Variants in AGBL1 observed in about 807,000 individuals in gnomAD.
AGBL1 encodes the protein cytosolic carboxypeptidase 4.
In AGBL1, 130 loss-of-function variants were observed where a neutral mutation model predicts 118.9. That is an observed-to-expected ratio of 1.09 (90% CI 0.95 to 1.26). The LOEUF (loss-of-function observed/expected upper bound fraction) is 1.26. Among genes scored for constraint, AGBL1 ranks in the 50% most tolerant of loss-of-function variants. The pLI is 0.00. For synonymous variants in AGBL1, 555 were observed against 478.9 expected (o/e 1.16, Z -2.08); for missense variants, 1,584 against 1,298.1 (o/e 1.22, Z -3.38).
intron 17 of AGBL1, among the ~76,000 whole-genome samples, chr15:86,352,316 C>T (rs937022742): frequency 2.0e-5 from 3 of 152,160 alleles, no homozygotes; most frequent in Non-Finnish European, 4.4e-5. Flanking sequence ...TTCCCCATTT[C>T]TTCCTTTTAT....
At chr15:86,139,247 A>T (rs938733557) in intron 1 of AGBL1, among the ~76,000 whole-genome samples, 1 of 152,168 alleles carries the variant, frequency 6.6e-6, no homozygotes, top group Non-Finnish European at 1.5e-5. Context: ...GTGTCTAGGG[A>T]TCCCTAGGAG....
At chr15:86,137,996 C>T (rs2076912086) in intron 1 of AGBL1, among the ~76,000 whole-genome samples, 1 of 152,180 alleles carries the variant, frequency 6.6e-6, no homozygotes. Context: ...TGCTTGTTCT[C>T]AGGGAGTATC....
At chr15:86,321,394 C>T (rs1240860258) in intron 17 of AGBL1, among the ~76,000 whole-genome samples, 1 of 151,896 alleles carries the variant, frequency 6.6e-6, no homozygotes, top group East Asian at 1.9e-4. Context: ...GTAAGCTGTT[C>T]AAGTTCTTCC....
At chr15:86,079,687 G>A (rs1895138681), upstream of AGBL1, 2 of 296,250 alleles carry the variant, frequency 6.8e-6, no homozygotes, top group East Asian at 1.1e-4. Flanking sequence ...GGGCCTGGAG[G>A]TGGGTGAGTG....
chr15:86,840,343 T>G (rs1159703944), intron 22 of AGBL1, among the ~76,000 whole-genome samples: 1 of 152,220 alleles, frequency 6.6e-6, no homozygotes, highest in Non-Finnish European at 1.5e-5. Context: ...TGGAGTATTC[T>G]TATTGCTCCA....
chr15:86,983,631 A>T (rs1305937214), intron 23 of AGBL1, among the ~76,000 whole-genome samples: 1 of 152,244 alleles, frequency 6.6e-6, no homozygotes, highest in African/African-American at 2.4e-5. Context: ...ATATACCCAT[A>T]ATCAAGATAG....
intron 21 of AGBL1, among the ~76,000 whole-genome samples, chr15:86,574,176 T>C (rs1370045116): frequency 6.6e-6 from 1 of 152,186 alleles, no homozygotes; most frequent in East Asian, 1.9e-4. Flanking sequence ...AGGCTGTACA[T>C]AGTTGAAAAG....
rs753845966 is a variant in AGBL1 at position 86,522,872 on chromosome 15, T to G, written c.2618T>G (p.Leu873Arg). The G allele has an allele frequency of 1.2e-6, 2 of 1,613,998 alleles. No individual in the cohort carries two copies. Among genetic ancestry groups the G allele is most frequent in the Non-Finnish European group, 1.7e-6 (2 of 1,179,842 alleles). ...NRQWLSPSAH[L>R]QPTIYHAKGL... is the part of the protein sequence containing the mutation. ...CAATGGCTTTCTCCCAGTGCTCATC[T>G]GCAGCCAACCATTTACCATGCCAAA... The change falls in exon 19 of 23, where the codon CTG becomes CGG. Residue 873 changes from leucine (L) to arginine (R), a missense_variant. Coordinates refer to ENST00000614907, the MANE Select transcript of AGBL1 (RefSeq NM_001386094.1).
At chr15:86,936,539 C>T (rs997842839) in intron 23 of AGBL1, among the ~76,000 whole-genome samples, 2 of 152,104 alleles carry the variant, frequency 1.3e-5, no homozygotes, top group African/African-American at 4.8e-5. Flanking sequence ...CTGACAAAAA[C>T]AAGTAATGGG....
intron 13 of AGBL1, among the ~76,000 whole-genome samples, chr15:86,267,745 A>G (rs1054313824): frequency 2.6e-5 from 4 of 152,164 alleles, no homozygotes; most frequent in African/African-American, 4.8e-5. Flanking sequence ...GGTTCTCACT[A>G]TGTTAAAATT....
At chr15:86,972,334 ATAAC>A (rs1431095547) in intron 23 of AGBL1, among the ~76,000 whole-genome samples, 6 of 152,044 alleles carry the variant, frequency 3.9e-5, no homozygotes, top group Non-Finnish European at 8.8e-5. Context: ...TGCCCAACAT[ATAAC>A]TAAGACGTGA....
At chr15:86,092,407 C>G (rs1325250249) in intron 1 of AGBL1, among the ~76,000 whole-genome samples, 2 of 152,114 alleles carry the variant, frequency 1.3e-5, no homozygotes, top group Non-Finnish European at 2.9e-5. Flanking sequence ...AACCTCTGCT[C>G]TTAAATAATG....
chr15:86,170,664 G>A (rs1295777153), intron 5 of AGBL1, among the ~76,000 whole-genome samples: 2 of 151,510 alleles, frequency 1.3e-5, no homozygotes, highest in African/African-American at 2.4e-5. Flanking sequence ...GGGCAACATG[G>A]TGAAACCCCC....
At chr15:86,501,065 G>T (rs557080976) in intron 18 of AGBL1, among the ~76,000 whole-genome samples, 2 of 150,762 alleles carry the variant, frequency 1.3e-5, no homozygotes, top group East Asian at 3.9e-4. Flanking sequence ...GGGACTATAT[G>T]TTTGACACTT....
chr15:86,328,613 A>C (rs991708487), intron 17 of AGBL1, among the ~76,000 whole-genome samples: 2 of 152,162 alleles, frequency 1.3e-5, no homozygotes, highest in African/African-American at 4.8e-5. Flanking sequence ...AATCCCGAGG[A>C]GGAGAATGTG....
intron 22 of AGBL1, among the ~76,000 whole-genome samples, chr15:86,799,645 G>T (rs2078622217): frequency 6.6e-6 from 1 of 152,066 alleles, no homozygotes; most frequent in Non-Finnish European, 1.5e-5. Flanking sequence ...GAAAGTTGGA[G>T]AAATTGAATA....
At chr15:87,021,537 C>A (rs7342628) in intron 24 of AGBL1, among the ~76,000 whole-genome samples, 1,542 of 152,224 alleles carry the variant, frequency 0.01, 31 homozygotes, top group African/African-American at 0.035. Flanking sequence ...GCAAATGCAA[C>A]TCTCATCAGA....
At chr15:86,973,150 G>A (rs1180868359) in intron 23 of AGBL1, among the ~76,000 whole-genome samples, 1 of 151,946 alleles carries the variant, frequency 6.6e-6, no homozygotes, top group African/African-American at 2.4e-5. Context: ...ATGAAATGAT[G>A]AATAGATATG....
intron 17 of AGBL1, among the ~76,000 whole-genome samples, chr15:86,340,605 A>C (rs2141880847): frequency 6.6e-6 from 1 of 152,330 alleles, no homozygotes; most frequent in East Asian, 1.9e-4. Flanking sequence ...TGGCCCTGAA[A>C]GCACGTTGAT....
Sources: allele counts gnomAD v4.1 joint callset (sites outside exome capture counted in the v4.1 genomes callset), GRCh38; gene constraint gnomAD v4.1.1; transcripts MANE v1.5; gene names NCBI Gene and HGNC (gene_info 2026-07-23, HGNC 2026-07-21).